Variants in UBE2F observed in about 807,000 individuals in gnomAD.
UBE2F encodes ubiquitin conjugating enzyme E2 F (putative), also known as NEDD8-conjugating enzyme UBE2F.
A neutral mutation model predicts 29.6 loss-of-function variants in UBE2F; 5 were observed. That is an observed-to-expected ratio of 0.17 (90% CI 0.09 to 0.36). The LOEUF (loss-of-function observed/expected upper bound fraction) is 0.36. UBE2F is among the 10% of genes least tolerant of loss of function. The probability of loss-of-function intolerance (pLI) is 1.00; values close to 1 mark genes in which losing one functional copy is unlikely to be tolerated. For synonymous variants in UBE2F, 66 were observed against 81.8 expected, an observed-to-expected ratio of 0.81 and a Z score of 1.04; for missense variants, 141 against 228.5, an observed-to-expected ratio of 0.62 and a Z score of 2.47.
At position 237,987,852 on chromosome 2, in the gene UBE2F, C is replaced by CT. The variant is rs1553551928; in HGVS notation, c.119-95dup. 774 of 519,728 alleles carry CT rather than the reference C, an allele frequency of 1.5e-3. 1 individual carries two copies. The highest frequency in any genetic ancestry group is 3.5e-3 in the South Asian group (124 of 35,196). 32.2% of individuals were successfully genotyped at this position (519,728 alleles called of 1,614,324 possible). ...TAGACCAGGTTTTATTCAGTTCATCCTTTTTTTTTTTTTTTTGATTCAGTG... is the reference window on the plus strand; with the variant it reads ...TAGACCAGGTTTTATTCAGTTCATCCTTTTTTTTTTTTTTTTTGATTCAGTG... On this transcript the variant is annotated intron_variant, in intron 2 of 9. Transcript: ENST00000272930.
chr2:238,009,376 T>A (rs1435862268), intron 4 of UBE2F, among the ~76,000 whole-genome samples: 3 of 152,254 alleles, frequency 2.0e-5, no homozygotes, highest in Non-Finnish European at 4.4e-5. Context: ...ACATATAGAT[T>A]ACTTCTACGT....
At chr2:238,019,382 C>G (rs978004309) in intron 5 of UBE2F, among the ~76,000 whole-genome samples, 1 of 152,038 alleles carries the variant, frequency 6.6e-6, no homozygotes, top group Admixed American at 6.6e-5. Flanking sequence ...TCCTGTCCCC[C>G]CTGCCTTTTT....
At chr2:237,984,241 C>T (rs1297276661) in intron 2 of UBE2F, among the ~76,000 whole-genome samples, 3 of 152,208 alleles carry the variant, frequency 2.0e-5, no homozygotes, top group Non-Finnish European at 4.4e-5. Context: ...CTGCCTTTGC[C>T]AGGTGCTTGC....
At chr2:237,989,929 G>A (rs1057102494) in intron 3 of UBE2F, among the ~76,000 whole-genome samples, 5 of 151,788 alleles carry the variant, frequency 3.3e-5, no homozygotes, top group African/African-American at 1.2e-4. Context: ...GACCAGCTTG[G>A]TCAACATGAT....
intron 3 of UBE2F, among the ~76,000 whole-genome samples, chr2:237,990,027 A>G (rs994042465): frequency 6.6e-6 from 1 of 150,982 alleles, no homozygotes; most frequent in African/African-American, 2.4e-5. Context: ...CTGGGGCAAG[A>G]GAATTGCTTG....
At chr2:238,013,669 C>A (rs1460195583) in intron 4 of UBE2F, among the ~76,000 whole-genome samples, 2 of 151,960 alleles carry the variant, frequency 1.3e-5, no homozygotes, top group African/African-American at 4.8e-5. Context: ...GCGACATACC[C>A]CTTCAAAAGG....
chr2:237,991,609 C>CTTTCATTTTTTTTTTTT (rs57180067), intron 3 of UBE2F, among the ~76,000 whole-genome samples: 1 of 53,054 alleles, frequency 1.9e-5, no homozygotes, highest in Non-Finnish European at 3.5e-5. Flanking sequence ...TTCTTTCTTT[C>CTTTCATTTTTTTTTTTT]TTTTTTTTTT....
chr2:238,035,814 T>G (rs2064696147), intron 8 of UBE2F, 64 bp from the exon 9 acceptor site: 1 of 1,374,468 alleles, frequency 7.3e-7, no homozygotes, highest in Admixed American at 1.8e-5. Flanking sequence ...TGCCATAAAA[T>G]GAAGACTTTA....
intron 6 of UBE2F, among the ~76,000 whole-genome samples, chr2:238,029,973 G>A (rs552090723): frequency 6.0e-5 from 9 of 150,468 alleles, no homozygotes; most frequent in South Asian, 2.1e-4. Flanking sequence ...TTGAGACAGG[G>A]CCTCACACTA....
chr2:238,009,252 T>C (rs1385705365), intron 4 of UBE2F, among the ~76,000 whole-genome samples: 2 of 152,256 alleles, frequency 1.3e-5, no homozygotes, highest in Non-Finnish European at 2.9e-5. Context: ...TTTTTGGATC[T>C]GTGAGTTATA....
chr2:238,035,593 A>G (rs1204390332), intron 8 of UBE2F: 2 of 316,742 alleles, frequency 6.3e-6, no homozygotes, highest in Non-Finnish European at 1.2e-5. Flanking sequence ...AGCATTAGAA[A>G]TGAATGCGAT....
At chr2:237,975,019 G>A (rs955528629) in intron 2 of UBE2F, among the ~76,000 whole-genome samples, 2 of 152,070 alleles carry the variant, frequency 1.3e-5, no homozygotes, top group African/African-American at 2.4e-5. Context: ...TGAGCCACCC[G>A]CCTCTGCCTC....
chr2:238,015,926 G>A (rs6431570), intron 4 of UBE2F, among the ~76,000 whole-genome samples: 130,376 of 152,016 alleles, frequency 0.86, 56,066 homozygotes, highest in East Asian at 0.97. Flanking sequence ...GGGTAAAGAG[G>A]GAGTGGGGGT....
At chr2:238,009,452 A>G (rs1306447600) in intron 4 of UBE2F, among the ~76,000 whole-genome samples, 1 of 152,148 alleles carries the variant, frequency 6.6e-6, no homozygotes, top group Non-Finnish European at 1.5e-5. Flanking sequence ...CATTTTGGAC[A>G]GTTTGTTTTT....
chr2:237,977,763 A>G (rs1356914717), intron 2 of UBE2F, among the ~76,000 whole-genome samples: 2 of 152,120 alleles, frequency 1.3e-5, no homozygotes, highest in Admixed American at 1.3e-4. Context: ...CTTTGAGAAA[A>G]GTAGAGTGTT....
chr2:238,024,511 C>CT (rs898268339), intron 5 of UBE2F, among the ~76,000 whole-genome samples: 8 of 151,346 alleles, frequency 5.3e-5, no homozygotes, highest in Admixed American at 2.6e-4. Flanking sequence ...ATGCCCAGCT[C>CT]TTTTTTTTTC....
chr2:237,984,589 A>C (rs2063442387), intron 2 of UBE2F, among the ~76,000 whole-genome samples: 1 of 152,174 alleles, frequency 6.6e-6, no homozygotes, highest in Non-Finnish European at 1.5e-5. Flanking sequence ...CTCAGTCCCC[A>C]CAGCTGGAGA....
rs183864479 is a variant in UBE2F, at chr2:237,991,863, A to G, written c.149-2881A>G. 2.9e-5 allele frequency among the ~76,000 whole-genome samples: 4 copies of G among 137,496 alleles called. No homozygotes were observed. The East Asian group carries it at 9.1e-4, about 31-fold the overall frequency. 90.2% of individuals were successfully genotyped at this position (137,496 alleles called of 152,430 possible). ...TTTTATTGCTTTGTAATCCACTTTG[A>G]TAATTTCTTTTTTTTTTTTTGAGAC... On this transcript the variant is annotated intron_variant, in intron 3 of 9. Transcript: ENST00000272930.
At chr2:238,014,353 G>GA (rs1559219202) in intron 4 of UBE2F, among the ~76,000 whole-genome samples, 1 of 152,088 alleles carries the variant, frequency 6.6e-6, no homozygotes, top group South Asian at 2.1e-4. Flanking sequence ...TCATGAAAGA[G>GA]AAAAAAATAA....
Sources: allele counts gnomAD v4.1 joint callset (sites outside exome capture counted in the v4.1 genomes callset), GRCh38; gene constraint gnomAD v4.1.1; transcripts MANE v1.5; gene names NCBI Gene and HGNC (gene_info 2026-07-23, HGNC 2026-07-21).